GOLGA3: variants seen among roughly 807,000 people sequenced by gnomAD.
GOLGA3 encodes golgin A3.
GOLGA3 carries 75 observed loss-of-function variants against 169.4 expected under a neutral mutation model. That is an observed-to-expected ratio of 0.44 (90% CI 0.37 to 0.54). GOLGA3 has a LOEUF of 0.54. GOLGA3 is among the 20% of genes least tolerant of loss of function. The pLI, the probability that GOLGA3 is intolerant of heterozygous loss-of-function variation, is 0.00. For synonymous variants in GOLGA3, 824 were observed against 822.4 expected, an observed-to-expected ratio of 1.00 and a Z score of -0.03; for missense variants, 1,899 against 1,930.0, an observed-to-expected ratio of 0.98 and a Z score of 0.30.
At chr12:132,818,830 C>T (rs1264196473) in intron 2 of GOLGA3, among the ~76,000 whole-genome samples, 4 of 152,164 alleles carry the variant, frequency 2.6e-5, no homozygotes, top group African/African-American at 7.2e-5. Flanking sequence ...CCCAGAACCG[C>T]GCTTCTGCTT....
At chr12:132,819,579 C>T (rs924336229) in intron 2 of GOLGA3, among the ~76,000 whole-genome samples, 1 of 152,198 alleles carries the variant, frequency 6.6e-6, no homozygotes, top group Non-Finnish European at 1.5e-5. Context: ...AAACTAACAG[C>T]AGATACTTAC....
chr12:132,820,661 C>A (rs577115891), intron 2 of GOLGA3, among the ~76,000 whole-genome samples: 3 of 152,298 alleles, frequency 2.0e-5, no homozygotes, highest in Admixed American at 2.0e-4. Flanking sequence ...GGCATGAGAA[C>A]TGAGTGAATA....
chr12:132,819,019 T>C (rs1950102559), intron 2 of GOLGA3, among the ~76,000 whole-genome samples: 1 of 150,180 alleles, frequency 6.7e-6, no homozygotes. Flanking sequence ...TTTTCAGTCT[T>C]TTCCCTGCCC....
At chr12:132,776,893 G>A (rs369368003) in intron 20 of GOLGA3, 65 bp downstream of exon 20, 8 of 1,544,794 alleles carry the variant, frequency 5.2e-6, no homozygotes, top group African/African-American at 4.1e-5. Context: ...CAAGCAGGAT[G>A]GAGTGAAGTC....
chr12:132,819,968 T>C lies in GOLGA3; in HGVS notation c.133+2028A>G, dbSNP rs570780904. On this transcript the variant is annotated intron_variant, in intron 2 of 23. Transcript: ENST00000450791. ...GCCAAGGTGGGGGGATCACCAGAGA[T>C]TGGGAGTTCAAAACCAGCCTGATCA... 1.2e-3 allele frequency among the ~76,000 whole-genome samples: 176 copies of C among 152,302 alleles called. 1 individual carries two copies. The highest frequency in any genetic ancestry group is 3.0e-3 in the Admixed American group (46 of 15,300).
In GOLGA3 at chr12:132,777,230, G is replaced by T; in HGVS notation, c.3723-140C>A. The T allele has an allele frequency of 2.3e-6, 2 of 861,840 alleles. No homozygotes were observed. The highest frequency in any genetic ancestry group is 3.5e-6 in the Non-Finnish European group (2 of 569,764). The allele number at this position is 861,840 out of a possible 1,614,324, so 53.4% of individuals were successfully genotyped here. The stretch of plus-strand genomic sequence containing the variant: ...GCACTGCGTGCTGCAGCCATGCTTG[G>T]TGCCCACAGTGTGCACTCGGGCAGT... On this transcript the variant is annotated intron_variant, in intron 19 of 23. Transcript: ENST00000450791. This position sits in a 1 kb window ranked among gnomAD's most constrained non-coding sequence, Gnocchi z 4.7.
At position 132,777,096 on chromosome 12, in the gene GOLGA3, G is replaced by T; in HGVS notation, c.3723-6C>A. On this transcript the variant is annotated splice_polypyrimidine_tract_variant and splice_region_variant and intron_variant, in intron 19 of 23. Transcript: ENST00000450791. The surrounding 1 kb of genome is among the most constrained non-coding windows in gnomAD (Gnocchi z 4.7). ...AATGTTTCCCCTCCCGAATCCTAGC[G>T]TAAAAAAACAAGAAAGAAGGGAATC... The T allele has an allele frequency of 6.4e-7, 1 of 1,572,034 alleles. No individual in the cohort carries two copies. The highest frequency in any genetic ancestry group is 8.6e-7 in the Non-Finnish European group (1 of 1,162,454).
intron 6 of GOLGA3, among the ~76,000 whole-genome samples, chr12:132,805,942 G>A (rs966222268): frequency 6.6e-5 from 10 of 152,306 alleles, no homozygotes; most frequent in African/African-American, 1.2e-4. Context: ...AGGGAAAGGC[G>A]GCTGCCTAAG....
At chr12:132,788,450 C>T (rs2046041510) in intron 13 of GOLGA3, among the ~76,000 whole-genome samples, 1 of 152,164 alleles carries the variant, frequency 6.6e-6, no homozygotes. Context: ...GCCTCCGTCC[C>T]CCGCCTCTAC....
rs767155322 is a variant in GOLGA3, at chr12:132,786,801, G to A, written c.2812-14C>T. On this transcript the variant is annotated splice_polypyrimidine_tract_variant and intron_variant, in intron 13 of 23. Coordinates refer to ENST00000450791, the MANE Select transcript of GOLGA3 (RefSeq NM_001389683.1). ...GAACTGCAACGACTGTGGAAGGGAA[G>A]GAGGGCGTGAGGAGCGGCACTGCCA... 1.3e-6 allele frequency: 2 copies of A among 1,578,372 alleles called. No homozygotes were observed. Among genetic ancestry groups the A allele is most frequent in the East Asian group, 2.2e-5 (1 of 44,668 alleles).
chr12:132,814,540 T>C (rs1400627396), intron 3 of GOLGA3, among the ~76,000 whole-genome samples: 1 of 152,160 alleles, frequency 6.6e-6, no homozygotes, highest in Non-Finnish European at 1.5e-5. Flanking sequence ...AGACCCCGAG[T>C]GCATTTCTTT....
At chr12:132,801,341 G>A (rs1055094965) in intron 8 of GOLGA3, among the ~76,000 whole-genome samples, 27 of 152,190 alleles carry the variant, frequency 1.8e-4, no homozygotes, top group African/African-American at 4.8e-4. Flanking sequence ...CACTGGCACC[G>A]CACGCCTGTG....
intron 18 of GOLGA3, among the ~76,000 whole-genome samples, chr12:132,780,180 G>A (rs1463084236): frequency 2.8e-5 from 4 of 140,990 alleles, no homozygotes; most frequent in African/African-American, 5.3e-5. Context: ...ACAGCCCCCC[G>A]CGTGCACACA....
chr12:132,794,659 C>T (rs1428327309), intron 11 of GOLGA3, among the ~76,000 whole-genome samples: 1 of 152,222 alleles, frequency 6.6e-6, no homozygotes, highest in Non-Finnish European at 1.5e-5. Flanking sequence ...CGCAGTCTTC[C>T]AGGTATCAGC....
chr12:132,773,411 C>A (rs966660888), intron 23 of GOLGA3, 117 bp from the exon 24 acceptor site: 8 of 558,794 alleles, frequency 1.4e-5, no homozygotes, highest in Non-Finnish European at 2.5e-5. Flanking sequence ...TTCGGGGATC[C>A]GCAAACCAAC....
At chr12:132,782,084 C>T (rs2045637334) in intron 17 of GOLGA3, among the ~76,000 whole-genome samples, 1 of 152,200 alleles carries the variant, frequency 6.6e-6, no homozygotes, top group South Asian at 2.1e-4. Flanking sequence ...GACCCCTGAG[C>T]CTGTTCCTCC....
intron 11 of GOLGA3, 46 bp downstream of exon 11, chr12:132,795,806 G>A: frequency 6.4e-7 from 1 of 1,557,406 alleles, no homozygotes; most frequent in Non-Finnish European, 8.8e-7. Flanking sequence ...CATCATTCCT[G>A]CAAGGAGGGT....
At chr12:132,816,135 T>C (rs1359488126) in intron 3 of GOLGA3, among the ~76,000 whole-genome samples, 3 of 152,200 alleles carry the variant, frequency 2.0e-5, no homozygotes, top group Non-Finnish European at 2.9e-5. Context: ...GAGGCGGAGA[T>C]TGCAGTGAGC....
At chr12:132,790,696 A>G (rs2046178907) in intron 12 of GOLGA3, among the ~76,000 whole-genome samples, 1 of 152,080 alleles carries the variant, frequency 6.6e-6, no homozygotes, top group African/African-American at 2.4e-5. Context: ...TGAGGGGCCA[A>G]GACCCCCACC....
Sources: allele counts gnomAD v4.1 joint callset (sites outside exome capture counted in the v4.1 genomes callset), GRCh38; gene constraint gnomAD v4.1.1; non-coding constraint Gnocchi (gnomAD v3.1); transcripts MANE v1.5; gene names NCBI Gene and HGNC (gene_info 2026-07-23, HGNC 2026-07-21).